Variants in GRIK1 observed in about 807,000 individuals in gnomAD.
GRIK1 encodes glutamate receptor ionotropic, kainate 1.
A neutral mutation model predicts 105.7 loss-of-function variants in GRIK1; 69 were observed. The ratio of observed to expected loss-of-function variants is 0.65; its 90% CI spans 0.54 to 0.80. The LOEUF is 0.80. Among genes scored for constraint, GRIK1 ranks in the 30% least tolerant of loss-of-function variants. The pLI is 0.00. For missense variants in GRIK1, 1,109 were observed against 1,167.3 expected (o/e 0.95, Z 0.73); for synonymous variants, 438 against 431.3 (o/e 1.02, Z -0.19).
chr21:29,917,909 A>C (rs983175906), intron 1 of GRIK1, among the ~76,000 whole-genome samples: 2 of 152,086 alleles, frequency 1.3e-5, no homozygotes, highest in Non-Finnish European at 2.9e-5. Flanking sequence ...ATTTCTGTTA[A>C]AAAATAAAAT....
chr21:29,563,346 G>A (rs2090531252), intron 14 of GRIK1, among the ~76,000 whole-genome samples: 1 of 152,194 alleles, frequency 6.6e-6, no homozygotes, highest in South Asian at 2.1e-4. Flanking sequence ...TGAGTTAGGG[G>A]AGGACAGATG....
intron 2 of GRIK1, among the ~76,000 whole-genome samples, chr21:29,692,186 G>C (rs1401357429): frequency 2.0e-5 from 3 of 152,150 alleles, no homozygotes; most frequent in African/African-American, 7.2e-5. Context: ...AAGCTCTGGG[G>C]GTGTTTAACT....
intron 1 of GRIK1, among the ~76,000 whole-genome samples, chr21:29,912,806 G>C (rs1228134695): frequency 6.6e-6 from 1 of 152,032 alleles, no homozygotes; most frequent in East Asian, 1.9e-4. Context: ...TTCTTAGAGA[G>C]GGTATGTGAA....
chr21:29,628,909 C>T (rs2062193812), intron 7 of GRIK1, among the ~76,000 whole-genome samples: 2 of 152,010 alleles, frequency 1.3e-5, no homozygotes, highest in South Asian at 2.1e-4. Flanking sequence ...CAATGGATTC[C>T]ACATGGGTTG....
intron 7 of GRIK1, among the ~76,000 whole-genome samples, chr21:29,620,823 A>AT (rs1310151012): frequency 3.2e-5 from 3 of 93,622 alleles, no homozygotes; most frequent in African/African-American, 2.5e-4. Flanking sequence ...ATATATAGTA[A>AT]TAATATATTA....
intron 1 of GRIK1, among the ~76,000 whole-genome samples, chr21:29,890,816 T>C (rs1484676516): frequency 6.6e-6 from 1 of 152,108 alleles, no homozygotes; most frequent in Non-Finnish European, 1.5e-5. Flanking sequence ...TGTAAAAAGA[T>C]GCCCTTGTTA....
chr21:29,818,491 T>G (rs2067213359), intron 1 of GRIK1, among the ~76,000 whole-genome samples: 1 of 152,036 alleles, frequency 6.6e-6, no homozygotes, highest in African/African-American at 2.4e-5. Context: ...GCTTTGACGA[T>G]TTCTCTCCAT....
intron 1 of GRIK1, among the ~76,000 whole-genome samples, chr21:29,801,754 G>C (rs975460571): frequency 6.6e-6 from 1 of 152,076 alleles, no homozygotes; most frequent in Non-Finnish European, 1.5e-5. Flanking sequence ...AAAATTATTG[G>C]TTAAAGAAAT....
intron 1 of GRIK1, among the ~76,000 whole-genome samples, chr21:29,924,199 G>A (rs1048340396): frequency 7.9e-5 from 12 of 151,918 alleles, no homozygotes; most frequent in South Asian, 2.1e-4. Context: ...TTAGCCAGGC[G>A]TGGTGGCGGG....
chr21:29,927,315 A>G (rs910356089), intron 1 of GRIK1, among the ~76,000 whole-genome samples: 1 of 151,000 alleles, frequency 6.6e-6, no homozygotes, highest in African/African-American at 2.4e-5. Flanking sequence ...GTAATGATAT[A>G]TATGTAATAT....
At chr21:29,539,762 G>T (rs1329752858) in intron 16 of GRIK1, among the ~76,000 whole-genome samples, 1 of 152,098 alleles carries the variant, frequency 6.6e-6, no homozygotes, top group Non-Finnish European at 1.5e-5. Flanking sequence ...AGAGTGTCAA[G>T]AAGTTTGCAA....
chr21:29,758,894 C>G (rs1780286372), intron 1 of GRIK1: 1 of 153,168 alleles, frequency 6.5e-6, no homozygotes. Context: ...GATCTGCTGT[C>G]TCTGGATGCA....
At chr21:29,565,855 A>G (rs985376724) in intron 14 of GRIK1, among the ~76,000 whole-genome samples, 4 of 152,198 alleles carry the variant, frequency 2.6e-5, no homozygotes, top group Admixed American at 2.0e-4. Context: ...TTCCTATCAC[A>G]TATGCAGGTC....
intron 1 of GRIK1, among the ~76,000 whole-genome samples, chr21:29,842,436 C>G (rs1284988366): frequency 1.3e-5 from 2 of 152,112 alleles, no homozygotes; most frequent in East Asian, 1.9e-4. Context: ...AGATGTGGGT[C>G]AGCACACTTC....
In GRIK1 at chr21:29,794,669, T is replaced by A. The variant is rs577431212; in HGVS notation, c.119-100606A>T. On this transcript the variant is annotated intron_variant, in intron 1 of 17. Coordinates refer to ENST00000327783, the MANE Select transcript of GRIK1 (RefSeq NM_001330994.2). ...AACTGTTTTCTTTTTATGTACTGATTTTTCCAGGTACAGAATAATGTAGTT... is the reference window on the plus strand; with the variant it reads ...AACTGTTTTCTTTTTATGTACTGATATTTCCAGGTACAGAATAATGTAGTT... 9.2e-5 allele frequency among the ~76,000 whole-genome samples: 14 copies of A among 152,332 alleles called. No homozygotes were observed. The South Asian group carries it at 2.7e-3, about 29-fold the overall frequency.
chr21:29,902,326 G>A (rs1041716267), intron 1 of GRIK1, among the ~76,000 whole-genome samples: 3 of 152,192 alleles, frequency 2.0e-5, no homozygotes, highest in African/African-American at 7.2e-5. Flanking sequence ...GCAATAAAGC[G>A]TATTCAAACA....
At chr21:29,543,096 G>A (rs114946037) in intron 16 of GRIK1, among the ~76,000 whole-genome samples, 3,633 of 151,998 alleles carry the variant, frequency 0.024, 134 homozygotes, top group African/African-American at 0.082. Context: ...AAAAATAATG[G>A]GATTATTATT....
At chr21:29,555,360 G>A in intron 15 of GRIK1, 58 bp from the exon 16 acceptor site, 2 of 1,478,282 alleles carry the variant, frequency 1.4e-6, no homozygotes, top group Non-Finnish European at 1.9e-6. Context: ...ACATCCAGAA[G>A]TATTCTTAAT....
chr21:29,758,255 T>C (rs1312670819), intron 1 of GRIK1, among the ~76,000 whole-genome samples: 1 of 152,218 alleles, frequency 6.6e-6, no homozygotes, highest in East Asian at 1.9e-4. Flanking sequence ...CTCGCGCTGT[T>C]AATAAAGACA....
Sources: gnomAD v4.1 joint callset for allele counts (sites outside exome capture counted in the v4.1 genomes callset) on GRCh38, gnomAD v4.1.1 for gene constraint, MANE v1.5 for transcripts, NCBI Gene and HGNC (gene_info 2026-07-23, HGNC 2026-07-21) for gene names.